Variants in MED13L observed in about 807,000 individuals in gnomAD.
The protein encoded by MED13L is mediator of RNA polymerase II transcription subunit 13-like.
A neutral mutation model predicts 220.9 loss-of-function variants in MED13L; 7 were observed. The ratio of observed to expected loss-of-function variants is 0.03; its 90% CI spans 0.02 to 0.06. MED13L has a LOEUF of 0.06. Ranked by LOEUF, MED13L falls within the 10% of genes least tolerant of loss-of-function variation. The probability of loss-of-function intolerance (pLI) is 1.00; values close to 1 mark genes in which losing one functional copy is unlikely to be tolerated. For missense variants in MED13L, 1,965 were observed against 2,760.5 expected (o/e 0.71, Z 6.46); for synonymous variants, 1,011 against 1,015.2 (o/e 1.00, Z 0.08).
chr12:116,274,112 T>C (rs554427516), intron 1 of MED13L, among the ~76,000 whole-genome samples: 2 of 152,304 alleles, frequency 1.3e-5, no homozygotes, highest in Admixed American at 6.5e-5. Context: ...ACTTATACAA[T>C]GACCCATATC....
At chr12:115,980,425 G>A in intron 23 of MED13L, 1 of 348,532 alleles carries the variant, frequency 2.9e-6, no homozygotes, top group Non-Finnish European at 5.5e-6. Flanking sequence ...CTGGGCTCAA[G>A]TGATCCTTCC....
intron 4 of MED13L, among the ~76,000 whole-genome samples, chr12:116,085,536 A>G (rs1871584199): frequency 6.6e-6 from 1 of 152,212 alleles, no homozygotes; most frequent in Admixed American, 6.5e-5. Flanking sequence ...CATATGAAAT[A>G]GATTTACAAA....
intron 2 of MED13L, among the ~76,000 whole-genome samples, chr12:116,229,615 TTC>T (rs1034913208): frequency 1.3e-5 from 2 of 152,174 alleles, no homozygotes; most frequent in Non-Finnish European, 2.9e-5. Flanking sequence ...CTTTAGCTTG[TTC>T]TCTCAATTTC....
At chr12:116,051,090 C>T (rs1868469844) in intron 4 of MED13L, among the ~76,000 whole-genome samples, 1 of 152,038 alleles carries the variant, frequency 6.6e-6, no homozygotes, top group Non-Finnish European at 1.5e-5. Context: ...CCAAATTTTA[C>T]AAGTCAAATC....
chr12:116,120,475 TCTCACACACACA>T (rs1424331736), intron 2 of MED13L, among the ~76,000 whole-genome samples: 3 of 91,688 alleles, frequency 3.3e-5, no homozygotes, highest in East Asian at 7.0e-4. Flanking sequence ...TCTCTCTCTC[TCTCACACACACA>T]CACACACACA....
chr12:116,081,339 T>C (rs1871228972), intron 4 of MED13L, among the ~76,000 whole-genome samples: 1 of 152,240 alleles, frequency 6.6e-6, no homozygotes, highest in African/African-American at 2.4e-5. Context: ...TTTTGTCTTT[T>C]TGTAAACTGT....
At chr12:116,094,626 G>T (rs894545260) in intron 4 of MED13L, among the ~76,000 whole-genome samples, 4 of 151,988 alleles carry the variant, frequency 2.6e-5, no homozygotes, top group Non-Finnish European at 5.9e-5. Flanking sequence ...TCCCCAAGTG[G>T]CTGTCAAATC....
intron 2 of MED13L, among the ~76,000 whole-genome samples, chr12:116,163,840 T>C (rs546860346): frequency 2.6e-5 from 4 of 152,306 alleles, no homozygotes; most frequent in African/African-American, 9.6e-5. Flanking sequence ...CAGTAATATC[T>C]TCAAATTGCT....
chr12:116,158,005 T>C (rs1878575641), intron 2 of MED13L, among the ~76,000 whole-genome samples: 1 of 152,090 alleles, frequency 6.6e-6, no homozygotes, highest in African/African-American at 2.4e-5. Flanking sequence ...ATTTTCTGAA[T>C]AGAAGACAGT....
intron 14 of MED13L, among the ~76,000 whole-genome samples, chr12:116,002,188 T>C (rs1404786550): frequency 6.6e-6 from 1 of 152,232 alleles, no homozygotes; most frequent in African/African-American, 2.4e-5. Flanking sequence ...TGAGAAAGCT[T>C]TGCATATTTT....
At chr12:116,193,488 A>G (rs1881417469) in intron 2 of MED13L, among the ~76,000 whole-genome samples, 1 of 152,180 alleles carries the variant, frequency 6.6e-6, no homozygotes, top group Admixed American at 6.5e-5. Context: ...TTACTGTTTT[A>G]GAAGTACTTG....
chr12:116,021,584 G>A (rs968993597), intron 5 of MED13L, among the ~76,000 whole-genome samples: 2 of 152,060 alleles, frequency 1.3e-5, no homozygotes, highest in Non-Finnish European at 2.9e-5. Flanking sequence ...AAATACAATG[G>A]AGGCTAAATG....
chr12:115,959,445 A>G lies in MED13L; in HGVS notation c.*1821T>C, dbSNP rs1875625772. 6.6e-6 allele frequency: 1 copy of G among 152,596 alleles called. No homozygotes were observed. Among genetic ancestry groups the G allele is most frequent in the South Asian group, 2.1e-4 (1 of 4,828 alleles). The allele number at this position is 152,596 out of a possible 1,614,324, so 9.5% of individuals were successfully genotyped here. ...GGAAAAAAGCAACCCCAAAGTGGTAAAAGATTACAAATATCTACTTTACAA... is the reference window on the plus strand; with the variant it reads ...GGAAAAAAGCAACCCCAAAGTGGTAGAAGATTACAAATATCTACTTTACAA... On this transcript the variant is annotated 3_prime_UTR_variant, in exon 31 of 31. Transcript: ENST00000281928.
At chr12:116,072,249 C>T (rs1195383898) in intron 4 of MED13L, among the ~76,000 whole-genome samples, 4 of 152,178 alleles carry the variant, frequency 2.6e-5, no homozygotes, top group Admixed American at 2.6e-4. Context: ...CTCAGATTGT[C>T]ATAAGCATTT....
chr12:116,130,235 T>C (rs879699031), intron 2 of MED13L, among the ~76,000 whole-genome samples: 3 of 152,198 alleles, frequency 2.0e-5, no homozygotes, highest in Non-Finnish European at 2.9e-5. Context: ...AACATAAAAA[T>C]GTTTTATACT....
At position 115,983,125 on chromosome 12, in the gene MED13L, T is replaced by C. The variant is rs758181990; in HGVS notation, c.4947A>G (p.Gly1649=). ...ATTAGTGAATAACATACCTCTCTTGTCCATCCTGTGAGGGCTGAGAAGAGC... is the reference window on the plus strand; with the variant it reads ...ATTAGTGAATAACATACCTCTCTTGCCCATCCTGTGAGGGCTGAGAAGAGC... ...GQSSSQPSQD[G]QESVTERERI... is the part of the protein sequence containing the mutation. The change falls in exon 21 of 31, where the codon GGA becomes GGG. Residue 1649 remains glycine (G), a synonymous_variant. Coordinates refer to ENST00000281928, the MANE Select transcript of MED13L (RefSeq NM_015335.5). The C allele has an allele frequency of 6.2e-7, 1 of 1,614,070 alleles. No individual in the cohort carries two copies. The highest frequency in any genetic ancestry group is 8.5e-7 in the Non-Finnish European group (1 of 1,179,978).
chr12:116,064,701 C>T (rs1869779846), intron 4 of MED13L, among the ~76,000 whole-genome samples: 1 of 152,208 alleles, frequency 6.6e-6, no homozygotes, highest in Admixed American at 6.5e-5. Flanking sequence ...AACAAAGCAA[C>T]TAAACCTTCT....
chr12:116,159,397 T>A (rs1332191173), intron 2 of MED13L, among the ~76,000 whole-genome samples: 2 of 152,148 alleles, frequency 1.3e-5, no homozygotes, highest in Non-Finnish European at 2.9e-5. Context: ...AAGAAGCAGA[T>A]GGATTTGAAC....
chr12:116,092,042 T>C (rs1410570956), intron 4 of MED13L, among the ~76,000 whole-genome samples: 4 of 152,322 alleles, frequency 2.6e-5, no homozygotes, highest in South Asian at 2.1e-4. Flanking sequence ...AAATGTTTTA[T>C]AGAGCTACCA....
Sources: gnomAD v4.1 joint callset for allele counts (sites outside exome capture counted in the v4.1 genomes callset) on GRCh38, gnomAD v4.1.1 for gene constraint, MANE v1.5 for transcripts, NCBI Gene and HGNC (gene_info 2026-07-23, HGNC 2026-07-21) for gene names.